RBM19: variants seen among roughly 807,000 people sequenced by gnomAD.
RBM19 encodes the protein probable RNA-binding protein 19.
A neutral mutation model predicts 116.8 loss-of-function variants in RBM19; 94 were observed. That is an observed-to-expected ratio of 0.80 (90% CI 0.68 to 0.95). The LOEUF (loss-of-function observed/expected upper bound fraction) is 0.95. Ranked by LOEUF, RBM19 falls within the 40% of genes least tolerant of loss-of-function variation. The probability of loss-of-function intolerance (pLI) is 0.00; values close to 1 mark genes in which losing one functional copy is unlikely to be tolerated. For synonymous variants in RBM19, 475 were observed against 494.1 expected, an observed-to-expected ratio of 0.96 and a Z score of 0.51; for missense variants, 1,161 against 1,220.7, an observed-to-expected ratio of 0.95 and a Z score of 0.73.
intron 23 of RBM19, among the ~76,000 whole-genome samples, chr12:113,831,263 TCTCTCTCTCCTCTCTGTCTA>T (rs1299488026): frequency 6.6e-6 from 1 of 152,204 alleles, no homozygotes; most frequent in East Asian, 1.9e-4. Context: ...TCTGCTCTTT[TCTCTCTCTCCTCTCTGTCTA>T]CAAAACCCCA....
At chr12:113,837,999 T>A (rs1439948729) in intron 23 of RBM19, among the ~76,000 whole-genome samples, 1 of 152,068 alleles carries the variant, frequency 6.6e-6, no homozygotes, top group Non-Finnish European at 1.5e-5. Context: ...CACCAAAACG[T>A]CTAAATATTA....
intron 21 of RBM19, among the ~76,000 whole-genome samples, chr12:113,869,222 C>T (rs961658744): frequency 6.6e-6 from 1 of 152,132 alleles, no homozygotes; most frequent in Non-Finnish European, 1.5e-5. Flanking sequence ...GGCAAAGGGG[C>T]CTAAGCAAAA....
chr12:113,928,349 A>G (rs1869295233), intron 16 of RBM19, among the ~76,000 whole-genome samples: 1 of 149,934 alleles, frequency 6.7e-6, no homozygotes, highest in Admixed American at 6.6e-5. Context: ...AAATAAAACA[A>G]AACAAACAAC....
At chr12:113,950,471 A>G (rs1871374917) in intron 8 of RBM19, among the ~76,000 whole-genome samples, 1 of 152,118 alleles carries the variant, frequency 6.6e-6, no homozygotes, top group Non-Finnish European at 1.5e-5. Flanking sequence ...GCTCTAAGCC[A>G]TTCTCTGGAG....
chr12:113,879,446 T>TATATATATATATATATATACAC (rs893952657), intron 21 of RBM19, among the ~76,000 whole-genome samples: 2 of 142,256 alleles, frequency 1.4e-5, no homozygotes, highest in East Asian at 3.0e-4. Flanking sequence ...TATATATATA[T>TATATATATATATATATATACAC]ATATGGACTT....
Position 113,927,046 on chromosome 12 carries a change from C to A in RBM19, c.2244+8G>T. On this transcript the variant is annotated splice_region_variant and intron_variant, in intron 17 of 23. Transcript: ENST00000261741. ...CGCCCCTCCCTCCTGGGCTGAGAAACCACTCACTTCCTTCAGCTTCTCTTC... is the reference window on the plus strand; with the variant it reads ...CGCCCCTCCCTCCTGGGCTGAGAAAACACTCACTTCCTTCAGCTTCTCTTC... The A allele has an allele frequency of 6.2e-7, 1 of 1,611,366 alleles. No homozygotes were observed. Among genetic ancestry groups the A allele is most frequent in the Non-Finnish European group, 8.5e-7 (1 of 1,178,814 alleles).
intron 23 of RBM19, among the ~76,000 whole-genome samples, chr12:113,836,470 A>T (rs764860045): frequency 2.6e-5 from 4 of 152,120 alleles, no homozygotes; most frequent in Non-Finnish European, 4.4e-5. Context: ...TACAGGGACA[A>T]TGGATAAAAT....
At chr12:113,955,044 G>A in intron 7 of RBM19, 87 bp downstream of exon 7, 1 of 1,305,354 alleles carries the variant, frequency 7.7e-7, no homozygotes, top group South Asian at 1.2e-5. Flanking sequence ...CGACTCTAAT[G>A]CCCCCATGCA....
chr12:113,957,949 C>T lies in RBM19; in HGVS notation c.673G>A (p.Glu225Lys). The change falls in exon 6 of 24, where the codon GAG (glutamate) becomes AAG (lysine). Residue 225 changes from glutamate (E) to lysine (K), a missense_variant. Glu to Lys is a moderately conservative substitution (Grantham distance 56, BLOSUM62 1). Coordinates refer to ENST00000261741, the MANE Select transcript of RBM19 (RefSeq NM_016196.4). ...MVKAGSSSSS[E>K]EEESEDEAVH... ...GCTTCATCTTCACTTTCCTCTTCCTCCGAGGAAGAGGACGACCCAGCCTTC... is the reference window on the plus strand; with the variant it reads ...GCTTCATCTTCACTTTCCTCTTCCTTCGAGGAAGAGGACGACCCAGCCTTC... The T allele has an allele frequency of 1.2e-6, 2 of 1,614,192 alleles. No individual in the cohort carries two copies. The highest frequency in any genetic ancestry group is 1.7e-6 in the Non-Finnish European group (2 of 1,180,014).
intron 21 of RBM19, among the ~76,000 whole-genome samples, chr12:113,868,507 T>C (rs1211025284): frequency 1.3e-5 from 2 of 152,234 alleles, no homozygotes; most frequent in African/African-American, 4.8e-5. Context: ...TTGGGAGACA[T>C]CTATTTAAAC....
In RBM19 at chr12:113,948,970, G is replaced by A; in HGVS notation, c.1139C>T (p.Thr380Ile). The change falls in exon 10 of 24, where the codon ACC (threonine) becomes ATC (isoleucine). Residue 380 changes from threonine to isoleucine, a missense_variant. Physicochemically the swap from Thr to Ile is moderately conservative, Grantham distance 89. Transcript: ENST00000261741. ...TATCCGGCCTTGCCAGGATTTGGTG[G>A]TATTCTTTGGTGCACCCTTGGTGGT... ...VPTTKGAPKN[T>I]TKSWQGRILG... The A allele has an allele frequency of 1.9e-6, 3 of 1,614,194 alleles. No individual in the cohort carries two copies. Among genetic ancestry groups the A allele is most frequent in the Non-Finnish European group, 2.5e-6 (3 of 1,180,030 alleles).
chr12:113,826,723 C>A (rs1334126112), intron 23 of RBM19, among the ~76,000 whole-genome samples: 1 of 152,194 alleles, frequency 6.6e-6, no homozygotes, highest in African/African-American at 2.4e-5. Flanking sequence ...GTAAAAAGGG[C>A]AATGCCCAGC....
intron 22 of RBM19, among the ~76,000 whole-genome samples, chr12:113,850,594 C>T (rs1443180226): frequency 6.6e-6 from 1 of 152,268 alleles, no homozygotes; most frequent in Non-Finnish European, 1.5e-5. Context: ...CTGGGCCTGA[C>T]CTTTCTGCAG....
downstream of RBM19, among the ~76,000 whole-genome samples, chr12:113,820,229 GT>G (rs1388067789): frequency 7.4e-6 from 1 of 134,552 alleles, no homozygotes; most frequent in African/African-American, 2.9e-5. Context: ...AATAACACTA[GT>G]GATAACTGAT....
intron 23 of RBM19, among the ~76,000 whole-genome samples, chr12:113,833,225 T>C (rs925812174): frequency 4.6e-5 from 7 of 152,188 alleles, no homozygotes; most frequent in African/African-American, 1.7e-4. Flanking sequence ...CAAAAACCTA[T>C]GCACCAGTTT....
chr12:113,939,761 A>G (rs1351503244), intron 15 of RBM19, among the ~76,000 whole-genome samples, 199 bp downstream of exon 15: 2 of 151,734 alleles, frequency 1.3e-5, no homozygotes, highest in East Asian at 1.9e-4. Flanking sequence ...AAAAAAAAAA[A>G]GAACTTCCGT....
At chr12:113,872,945 C>T (rs78525125) in intron 21 of RBM19, among the ~76,000 whole-genome samples, 112 of 63,472 alleles carry the variant, frequency 1.8e-3, no homozygotes, top group Admixed American at 3.4e-3. Context: ...TCAGCCCCCC[C>T]GCCCGGCCAG....
chr12:113,954,389 G>A (rs1344867741), intron 7 of RBM19, among the ~76,000 whole-genome samples: 2 of 152,144 alleles, frequency 1.3e-5, no homozygotes, highest in Non-Finnish European at 2.9e-5. Context: ...ATCAGTGGAC[G>A]TCACTGGGTA....
At chr12:113,939,611 G>A (rs923782300) in intron 15 of RBM19, among the ~76,000 whole-genome samples, 5 of 152,080 alleles carry the variant, frequency 3.3e-5, no homozygotes, top group South Asian at 2.1e-4. Flanking sequence ...TTAGCCAGGC[G>A]GGGTGGCGGG....
Sources: gnomAD v4.1 joint callset for allele counts (sites outside exome capture counted in the v4.1 genomes callset) on GRCh38, gnomAD v4.1.1 for gene constraint, MANE v1.5 for transcripts, NCBI Gene and HGNC (gene_info 2026-07-23, HGNC 2026-07-21) for gene names.